PRDM11: variants seen among roughly 807,000 people sequenced by gnomAD.
PRDM11 encodes the protein PR domain-containing protein 11.
Under a neutral mutation model 97.8 loss-of-function variants are expected in PRDM11, and 20 were observed. The ratio of observed to expected loss-of-function variants is 0.20; its 90% CI spans 0.14 to 0.30. The LOEUF (loss-of-function observed/expected upper bound fraction) is 0.30, where lower values mean the gene tolerates loss of function less well. Among genes scored for constraint, PRDM11 ranks in the 10% least tolerant of loss-of-function variants. The probability of loss-of-function intolerance (pLI) is 1.00; values close to 1 mark genes in which losing one functional copy is unlikely to be tolerated. For synonymous variants in PRDM11, 599 were observed against 637.7 expected, an observed-to-expected ratio of 0.94 and a Z score of 0.91; for missense variants, 1,139 against 1,555.2, an observed-to-expected ratio of 0.73 and a Z score of 4.50.
At chr11:45,184,061 A>G (rs945429204) in intron 4 of PRDM11, among the ~76,000 whole-genome samples, 19 of 152,384 alleles carry the variant, frequency 1.2e-4, no homozygotes, top group African/African-American at 4.3e-4. Context: ...TAGAGGTCAG[A>G]GAAGCCTTCC....
At chr11:45,144,876 A>T (rs111314369), upstream of PRDM11, among the ~76,000 whole-genome samples, 2 of 152,232 alleles carry the variant, frequency 1.3e-5, no homozygotes, top group East Asian at 1.9e-4. Flanking sequence ...GTGCAACTGG[A>T]GGTGCATTCA....
intron 1 of PRDM11, chr11:45,147,282 T>G (rs1313901517): frequency 6.7e-6 from 1 of 149,706 alleles, no homozygotes; most frequent in African/African-American, 2.5e-5. Flanking sequence ...GAGAACGCGG[T>G]GACACGGACG....
In PRDM11 at chr11:45,179,053, C is replaced by T. The variant is rs998904448; in HGVS notation, c.-6-2708C>T. Reference sequence around the variant, plus strand: ...AGGTCTGAAGTCTGGATAGGAGTTCCCCAGGTGTTCTGCAGGCTAGGACTC... The same window carrying T: ...AGGTCTGAAGTCTGGATAGGAGTTCTCCAGGTGTTCTGCAGGCTAGGACTC... On this transcript the variant is annotated intron_variant, in intron 1 of 7. Transcript: ENST00000683152. Among the ~76,000 whole-genome samples, 5 of 152,076 alleles carry T rather than the reference C, an allele frequency of 3.3e-5. No homozygotes were observed. The South Asian group carries it at 1.0e-3, about 31-fold the overall frequency.
At chr11:45,189,810 A>G (rs1374064531) in intron 4 of PRDM11, among the ~76,000 whole-genome samples, 2 of 152,194 alleles carry the variant, frequency 1.3e-5, no homozygotes, top group Non-Finnish European at 2.9e-5. Context: ...TTGCAGTGCT[A>G]TGACATGTGG....
At chr11:45,137,199 G>A (rs779890552) in intron 1 of PRDM11, among the ~76,000 whole-genome samples, 4 of 148,372 alleles carry the variant, frequency 2.7e-5, no homozygotes, top group African/African-American at 7.8e-5. Context: ...AGATGGGGCC[G>A]AGGCAGGCAG....
rs546306440 is a variant in PRDM11, at chr11:45,194,858, A to G, written c.487-9853A>G. ...CGTGATCCGCCCGCCTCGGCCTCCC[A>G]AAGTGCTGGGATTACAGGCGTGAGC... On this transcript the variant is annotated intron_variant, in intron 4 of 7. Transcript: ENST00000683152. Among the ~76,000 whole-genome samples, 4 of 152,072 alleles carry G rather than the reference A, an allele frequency of 2.6e-5. No homozygotes were observed. The South Asian group carries it at 6.2e-4, about 24-fold the overall frequency.
intron 1 of PRDM11, among the ~76,000 whole-genome samples, chr11:45,108,554 G>A (rs974471292): frequency 6.6e-5 from 10 of 152,226 alleles, no homozygotes; most frequent in Non-Finnish European, 1.0e-4. Context: ...CCCTTGCTCA[G>A]CCTGGGCTCT....
At chr11:45,225,109 C>T in intron 7 of PRDM11, 1 of 1,423,596 alleles carries the variant, frequency 7.0e-7, no homozygotes. Flanking sequence ...GTGCTGTGTT[C>T]TTGACCCGTT....
intron 1 of PRDM11, among the ~76,000 whole-genome samples, chr11:45,155,670 C>G (rs1204093125): frequency 6.6e-6 from 1 of 151,756 alleles, no homozygotes; most frequent in Non-Finnish European, 1.5e-5. Flanking sequence ...AGGAAAAGCC[C>G]CTTAGCCTGA....
Position 45,185,692 on chromosome 11 carries a change from G to T in PRDM11, c.486+2569G>T, listed in dbSNP as rs747544557. Among the ~76,000 whole-genome samples the T allele has an allele frequency of 3.4e-4, 52 of 152,300 alleles. No homozygotes were observed. The Middle Eastern group carries it at 0.01, about 30-fold the overall frequency. On this transcript the variant is annotated intron_variant, in intron 4 of 7. Transcript: ENST00000683152. ...ATCAGCATCATTTCTGTCCCTACAG[G>T]GTTAGCCCAGAGGATTAGAGCAGAT...
intron 1 of PRDM11, among the ~76,000 whole-genome samples, chr11:45,173,495 G>A (rs1382916537): frequency 2.6e-5 from 4 of 151,914 alleles, no homozygotes; most frequent in South Asian, 2.1e-4. Flanking sequence ...GGTGGCGCAC[G>A]GCTGTAATCC....
At chr11:45,203,860 C>T (rs1285982207) in intron 4 of PRDM11, among the ~76,000 whole-genome samples, 1 of 152,056 alleles carries the variant, frequency 6.6e-6, no homozygotes. Flanking sequence ...AAGCTGTATT[C>T]AAAAGCCTAA....
At chr11:45,182,011 G>C in intron 2 of PRDM11, 126 bp downstream of exon 2, 1 of 899,980 alleles carries the variant, frequency 1.1e-6, no homozygotes, top group African/African-American at 1.7e-5. Flanking sequence ...GCTCCCGGCA[G>C]CTCCTGGGCG....
intron 1 of PRDM11, among the ~76,000 whole-genome samples, chr11:45,132,746 C>A (rs1428219849): frequency 2.0e-5 from 3 of 152,174 alleles, no homozygotes; most frequent in Non-Finnish European, 2.9e-5. Flanking sequence ...CAACCTCTTA[C>A]AGGAAACCCA....
intron 1 of PRDM11, among the ~76,000 whole-genome samples, chr11:45,100,973 G>C (rs533371300): frequency 2.0e-5 from 3 of 152,306 alleles, no homozygotes; most frequent in South Asian, 4.1e-4. Flanking sequence ...TAATCCAAAT[G>C]CTGTATTCTT....
intron 5 of PRDM11, chr11:45,208,993 G>T (rs759652884): frequency 2.2e-6 from 1 of 456,562 alleles, no homozygotes; most frequent in African/African-American, 2.0e-5. Context: ...GAGACCATGC[G>T]GCTGTCCCAT....
rs768035866 is a variant in PRDM11 at position 45,129,029 on chromosome 11, TCAC to T, written c.96+33132_96+33134del. Among the ~76,000 whole-genome samples the T allele has an allele frequency of 4.6e-5, 7 of 152,294 alleles. No individual in the cohort carries two copies. In the East Asian group the frequency reaches 1.3e-3, roughly 29 times the overall value. ...TACTTTAACATTATTTTAATGTAAT[TCAC>T]CACATTAACAGAATAAAGGAGAAAA... On this transcript the variant is annotated intron_variant, in intron 1 of 6. Coordinates refer to the PRDM11 transcript ENST00000530656.
upstream of PRDM11, among the ~76,000 whole-genome samples, chr11:45,145,505 G>C (rs540580375): frequency 5.4e-4 from 82 of 152,312 alleles, no homozygotes; most frequent in Non-Finnish European, 8.8e-4. Context: ...GCTTCCCTGG[G>C]GTAGTACCCT....
intron 1 of PRDM11, among the ~76,000 whole-genome samples, chr11:45,138,696 T>C (rs961940111): frequency 5.3e-5 from 8 of 152,222 alleles, no homozygotes; most frequent in African/African-American, 1.9e-4. Flanking sequence ...CCCTATGCTA[T>C]ACTCTACACC....
Sources: allele counts gnomAD v4.1 joint callset (sites outside exome capture counted in the v4.1 genomes callset), GRCh38; gene constraint gnomAD v4.1.1; transcripts MANE v1.5; gene names NCBI Gene and HGNC (gene_info 2026-07-23, HGNC 2026-07-21).